PRMT2: variants seen among roughly 807,000 people sequenced by gnomAD.
PRMT2 encodes protein arginine N-methyltransferase 2.
A neutral mutation model predicts 57.6 loss-of-function variants in PRMT2; 26 were observed. The ratio of observed to expected loss-of-function variants is 0.45; its 90% CI spans 0.33 to 0.63. PRMT2 has a LOEUF of 0.63. Among genes scored for constraint, PRMT2 ranks in the 20% least tolerant of loss-of-function variants. PRMT2 has a pLI of 0.02. For missense variants in PRMT2, 472 were observed against 564.4 expected, an observed-to-expected ratio of 0.84 and a Z score of 1.66; for synonymous variants, 219 against 220.0, an observed-to-expected ratio of 1.00 and a Z score of 0.04.
intron 7 of PRMT2, chr21:46,652,107 CAG>C: frequency 6.6e-7 from 1 of 1,524,982 alleles, no homozygotes; most frequent in Non-Finnish European, 8.8e-7. Context: ...TGTAGTTGTT[CAG>C]AGATGGTGCT....
At chr21:46,661,973 G>C in intron 10 of PRMT2, 37 bp downstream of exon 10, 1 of 1,154,288 alleles carries the variant, frequency 8.7e-7, no homozygotes, top group Non-Finnish European at 1.1e-6. Context: ...GTGCGGGGTG[G>C]GGGGCAGGGG....
chr21:46,649,569 C>T lies in PRMT2; in HGVS notation c.490-6C>T. Reference sequence around the variant, plus strand: ...ATGTACGCTGACGGTGCCTCTGCTGCTGCAGGTGTACGCGGTGGAGGCCAG... The same window carrying T: ...ATGTACGCTGACGGTGCCTCTGCTGTTGCAGGTGTACGCGGTGGAGGCCAG... On this transcript the variant is annotated splice_polypyrimidine_tract_variant and splice_region_variant and intron_variant, in intron 6 of 11. Transcript: ENST00000355680. The surrounding 1 kb of genome is among the most constrained non-coding windows in gnomAD (Gnocchi z 4.8). The T allele has an allele frequency of 2.5e-6, 4 of 1,614,008 alleles. No individual in the cohort carries two copies. The highest frequency in any genetic ancestry group is 1.7e-6 in the Non-Finnish European group (2 of 1,180,040).
chr21:46,658,461 G>A (rs2061571137), intron 7 of PRMT2: 3 of 333,780 alleles, frequency 9.0e-6, no homozygotes, highest in Admixed American at 4.8e-5. Flanking sequence ...TGACTGAGAT[G>A]GGACAAGAGT....
intron 5 of PRMT2, among the ~76,000 whole-genome samples, chr21:46,646,861 A>G (rs2061373123): frequency 6.6e-6 from 1 of 152,200 alleles, no homozygotes; most frequent in Non-Finnish European, 1.5e-5. Context: ...ATGAAGAACA[A>G]AGCTTTGTTT....
At chr21:46,639,658 C>CT (rs59630153) in intron 3 of PRMT2, among the ~76,000 whole-genome samples, 2,511 of 130,292 alleles carry the variant, frequency 0.019, 35 homozygotes, top group Middle Eastern at 0.057. Context: ...GCTGTACCAG[C>CT]TTTTTTTTTT....
At chr21:46,643,475 C>CAAA (rs34541039) in intron 3 of PRMT2, 60 bp from the exon 4 acceptor site, 65,905 of 1,186,874 alleles carry the variant, frequency 0.056, 888 homozygotes, top group East Asian at 0.15. Context: ...ATAATATAGC[C>CAAA]AAAAAAAAAA....
rs1245932093 is a variant in PRMT2, at chr21:46,642,991, C to A, written c.40-544C>A. Among the ~76,000 whole-genome samples, 2 of 151,442 alleles carry A rather than the reference C, an allele frequency of 1.3e-5. 1 individual carries two copies. The highest frequency in any genetic ancestry group is 4.9e-5 in the African/African-American group (2 of 41,018). Reference sequence around the variant, plus strand: ...GCCCTGAGCCGAGATCATGCCATTGCCCTCCAGCCTGGGCAACAGAGCAAG... The same window carrying A: ...GCCCTGAGCCGAGATCATGCCATTGACCTCCAGCCTGGGCAACAGAGCAAG... On this transcript the variant is annotated intron_variant, in intron 3 of 11. Transcript: ENST00000355680.
chr21:46,648,976 G>A lies in PRMT2; in HGVS notation c.489+357G>A, dbSNP rs1488101628. ...CATGTCTGTGCTGGGCCTTGGGTGT[G>A]GTTGGTCTCATGGGGTTGGGAGGGA... On this transcript the variant is annotated intron_variant, in intron 6 of 11. Coordinates refer to ENST00000355680, the MANE Select transcript of PRMT2 (RefSeq NM_206962.4). The surrounding 1 kb of genome is among the most constrained non-coding windows in gnomAD (Gnocchi z 4.8). 6.6e-6 allele frequency among the ~76,000 whole-genome samples: 1 copy of A among 152,166 alleles called. No homozygotes were observed. The highest frequency in any genetic ancestry group is 1.5e-5 in the Non-Finnish European group (1 of 68,034).
intron 3 of PRMT2, among the ~76,000 whole-genome samples, chr21:46,637,773 A>ATATG (rs1555927340): frequency 2.7e-4 from 41 of 151,198 alleles, no homozygotes; most frequent in African/African-American, 8.7e-4. Flanking sequence ...ATATACATAT[A>ATATG]TGTGTGTGTG....
intron 7 of PRMT2, chr21:46,654,250 A>G: frequency 2.1e-6 from 1 of 472,374 alleles, no homozygotes; most frequent in Non-Finnish European, 2.8e-6. Flanking sequence ...GTAGCAATAC[A>G]TATGATCATT....
Position 46,636,882 on chromosome 21 carries a change from C to A in PRMT2, c.-56-14C>A. 2 of 1,522,854 alleles carry A rather than the reference C, an allele frequency of 1.3e-6. No individual in the cohort carries two copies. Among genetic ancestry groups the A allele is most frequent in the South Asian group, 1.2e-5 (1 of 84,378 alleles). 94.3% of individuals were successfully genotyped at this position (1,522,854 alleles called of 1,614,324 possible). ...TAACAAGTACTTTGTGTCTCCTTCTCTTTTTAAAAGTAGAAATGGAAAAGA... is the reference window on the plus strand; with the variant it reads ...TAACAAGTACTTTGTGTCTCCTTCTATTTTTAAAAGTAGAAATGGAAAAGA... On this transcript the variant is annotated splice_polypyrimidine_tract_variant and intron_variant, in intron 2 of 11. Coordinates refer to ENST00000355680, the MANE Select transcript of PRMT2 (RefSeq NM_206962.4).
At chr21:46,643,465 A>C (rs1269935879) in intron 3 of PRMT2, 70 bp from the exon 4 acceptor site, 107 of 1,412,918 alleles carry the variant, frequency 7.6e-5, no homozygotes, top group Non-Finnish European at 9.7e-5. Context: ...AACCATCCTA[A>C]TAATATAGCC....
intron 11 of PRMT2, 54 bp downstream of exon 11, chr21:46,663,608 C>T: frequency 6.4e-7 from 1 of 1,574,406 alleles, no homozygotes; most frequent in Non-Finnish European, 8.7e-7. Context: ...CTCAGGGAGA[C>T]AGGCCTGGGT....
chr21:46,663,201 T>A (rs1171484347), intron 10 of PRMT2, among the ~76,000 whole-genome samples, 182 bp from the exon 11 acceptor site: 2 of 152,148 alleles, frequency 1.3e-5, no homozygotes, highest in African/African-American at 4.8e-5. Context: ...GCTGGGGGTG[T>A]ATATGTTCCC....
At chr21:46,663,316 C>G in intron 10 of PRMT2, 67 bp from the exon 11 acceptor site, 1 of 1,497,744 alleles carries the variant, frequency 6.7e-7, no homozygotes, top group South Asian at 1.3e-5. Context: ...CCTGAGTCAG[C>G]GCCCCGAGGG....
intron 7 of PRMT2, chr21:46,652,262 G>T: frequency 7.5e-7 from 1 of 1,331,012 alleles, no homozygotes; most frequent in Non-Finnish European, 9.6e-7. Context: ...GATGGGAAAG[G>T]TTTTTCTAAG....
chr21:46,661,847 G>A lies in PRMT2; in HGVS notation c.1008G>A (p.Leu336=). 1.3e-6 allele frequency: 2 copies of A among 1,514,688 alleles called. No homozygotes were observed. The highest frequency in any genetic ancestry group is 1.8e-6 in the Non-Finnish European group (2 of 1,126,486). 93.8% of individuals were successfully genotyped at this position (1,514,688 alleles called of 1,614,324 possible). ...TCGACATCAGGAAGGCGGGGACCCT[G>A]CACGGCTTCACGGCCTGGTTTAGCG... ...LRFDIRKAGT[L]HGFTAWFSVH... The change falls in exon 10 of 12, where the codon CTG becomes CTA. Residue 336 remains leucine (L), a synonymous_variant. Transcript: ENST00000355680.
chr21:46,663,414 A>G lies in PRMT2; in HGVS notation c.1129A>G (p.Met377Val), dbSNP rs2061660272. 6.2e-7 allele frequency: 1 copy of G among 1,613,872 alleles called. No homozygotes were observed. Among genetic ancestry groups the G allele is most frequent in the South Asian group, 1.1e-5 (1 of 91,092 alleles). ...TTHWKQTLFM[M>V]DDPVPVHTGD... ...ACACTGGAAGCAGACGCTGTTCATG[A>G]TGGACGACCCAGTCCCTGTCCATAC... Residue 377 changes from methionine to valine, a missense_variant, in exon 11 of 12, where the codon ATG (methionine) becomes GTG (valine). Around this residue, in one of 2 missense-constraint regions of PRMT2, gnomAD observed 229 missense variants for 217.2 expected, o/e 1.05. Coordinates refer to ENST00000355680, the MANE Select transcript of PRMT2 (RefSeq NM_206962.4).
chr21:46,652,812 T>C (rs1241349478), intron 7 of PRMT2: 1 of 1,253,184 alleles, frequency 8.0e-7, no homozygotes, highest in Non-Finnish European at 1.0e-6. Context: ...ACAAAGCAGG[T>C]GACAATTGAG....
Sources: allele counts gnomAD v4.1 joint callset (sites outside exome capture counted in the v4.1 genomes callset), GRCh38; gene constraint gnomAD v4.1.1; regional missense constraint gnomAD v4.1.1; non-coding constraint Gnocchi (gnomAD v3.1); transcripts MANE v1.5; gene names NCBI Gene and HGNC (gene_info 2026-07-23, HGNC 2026-07-21).